The following LRRTM4 variants were observed in gnomAD, a reference collection of about 807,000 sequenced individuals.
LRRTM4 encodes leucine-rich repeat transmembrane neuronal protein 4.
A neutral mutation model predicts 47.6 loss-of-function variants in LRRTM4; 25 were observed. That is an observed-to-expected ratio of 0.53 (90% CI 0.38 to 0.73). LRRTM4 has a LOEUF of 0.73. LRRTM4 is among the 30% of genes least tolerant of loss of function. The pLI, the probability that LRRTM4 is intolerant of heterozygous loss-of-function variation, is 0.00. For synonymous variants in LRRTM4, 311 were observed against 269.5 expected (o/e 1.15, Z -1.51); for missense variants, 638 against 713.4 (o/e 0.89, Z 1.20).
At chr2:76,898,424 A>T (rs1334282448) in intron 3 of LRRTM4, among the ~76,000 whole-genome samples, 1 of 151,972 alleles carries the variant, frequency 6.6e-6, no homozygotes, top group Non-Finnish European at 1.5e-5. Context: ...ATCTCGAAAC[A>T]TTTATAAAAG....
chr2:77,466,472 G>C (rs1176027643), intron 3 of LRRTM4, among the ~76,000 whole-genome samples: 3 of 152,146 alleles, frequency 2.0e-5, no homozygotes, highest in African/African-American at 7.2e-5. Context: ...CAGTTCACTA[G>C]AGTCACTTAA....
intron 3 of LRRTM4, among the ~76,000 whole-genome samples, chr2:77,515,755 G>A (rs77804605): frequency 1.3e-5 from 2 of 151,844 alleles, no homozygotes; most frequent in Admixed American, 6.6e-5. Flanking sequence ...TGGGCAAATC[G>A]CTGCCCTCTC....
chr2:77,356,321 G>A (rs1308412780), intron 3 of LRRTM4, among the ~76,000 whole-genome samples: 3 of 152,232 alleles, frequency 2.0e-5, no homozygotes, highest in East Asian at 3.9e-4. Flanking sequence ...CAGGCTTGAC[G>A]TTGTAAGTAT....
At chr2:76,752,675 G>A (rs1410218824) in intron 3 of LRRTM4, among the ~76,000 whole-genome samples, 1 of 152,152 alleles carries the variant, frequency 6.6e-6, no homozygotes, top group East Asian at 1.9e-4. Flanking sequence ...CTGAATTCGT[G>A]GTTTCTGAGG....
At chr2:77,399,449 C>A (rs1045857185) in intron 3 of LRRTM4, among the ~76,000 whole-genome samples, 3 of 151,642 alleles carry the variant, frequency 2.0e-5, no homozygotes, top group Admixed American at 2.0e-4. Flanking sequence ...AAATAGAGAG[C>A]AGAATGTTGG....
chr2:76,795,119 TACTAACAATA>T (rs1481896534), intron 3 of LRRTM4, among the ~76,000 whole-genome samples: 7 of 152,086 alleles, frequency 4.6e-5, no homozygotes, highest in African/African-American at 1.7e-4. Flanking sequence ...CCGAGAGATT[TACTAACAATA>T]ATATTAAAGT....
chr2:76,807,408 GTATATATATATATATA>G (rs1670526538), intron 3 of LRRTM4, among the ~76,000 whole-genome samples: 4 of 40,304 alleles, frequency 9.9e-5, no homozygotes, highest in Admixed American at 4.1e-4. Flanking sequence ...ATGTATATAC[GTATATATATATATATA>G]CATATATATA....
chr2:76,952,608 G>A (rs188285716), intron 3 of LRRTM4, among the ~76,000 whole-genome samples: 6 of 151,972 alleles, frequency 3.9e-5, no homozygotes, highest in Admixed American at 1.3e-4. Flanking sequence ...AAATTAGTTC[G>A]GCACGGTGGA....
intron 3 of LRRTM4, among the ~76,000 whole-genome samples, chr2:77,103,647 G>GTATATATATATA (rs367583554): frequency 0.016 from 2,003 of 123,688 alleles, 37 homozygotes; most frequent in African/African-American, 0.038. Flanking sequence ...ATACATGAGT[G>GTATATATATATA]TATATATATA....
At chr2:77,326,456 T>G (rs1670779476) in intron 3 of LRRTM4, among the ~76,000 whole-genome samples, 1 of 152,192 alleles carries the variant, frequency 6.6e-6, no homozygotes, top group South Asian at 2.1e-4. Flanking sequence ...AGCAGTAGTA[T>G]GATCATAGCT....
chr2:76,963,053 A>C (rs1675911527), intron 3 of LRRTM4, among the ~76,000 whole-genome samples: 1 of 150,966 alleles, frequency 6.6e-6, no homozygotes, highest in South Asian at 2.1e-4. Flanking sequence ...AATTATGCAT[A>C]ATAAATTTAG....
At chr2:76,850,037 C>A (rs1215888514) in intron 3 of LRRTM4, among the ~76,000 whole-genome samples, 1 of 145,150 alleles carries the variant, frequency 6.9e-6, no homozygotes, top group East Asian at 1.9e-4. Context: ...TCATTTGTTA[C>A]TGATAGATAA....
intron 3 of LRRTM4, among the ~76,000 whole-genome samples, chr2:77,406,125 T>G (rs1674171931): frequency 6.6e-6 from 1 of 152,046 alleles, no homozygotes; most frequent in Admixed American, 6.6e-5. Flanking sequence ...CCTGTCTTCT[T>G]TCAGTGGTGG....
chr2:77,066,851 T>C (rs76146408), intron 3 of LRRTM4, among the ~76,000 whole-genome samples: 5,059 of 152,322 alleles, frequency 0.033, 90 homozygotes, highest in Non-Finnish European at 0.037. Context: ...CTCAAACCAG[T>C]ATGTCTGGTA....
intron 3 of LRRTM4, among the ~76,000 whole-genome samples, chr2:77,296,153 C>G (rs1369726424): frequency 1.3e-5 from 2 of 151,968 alleles, no homozygotes; most frequent in South Asian, 4.1e-4. Context: ...AAATTTCAAC[C>G]TGAAAATACA....
At chr2:76,847,869 T>C (rs572418399) in intron 3 of LRRTM4, among the ~76,000 whole-genome samples, 43 of 152,282 alleles carry the variant, frequency 2.8e-4, no homozygotes, top group African/African-American at 1.0e-3. Flanking sequence ...ATGCTAAATC[T>C]TCTTCCTTGC....
At chr2:77,056,012 G>T (rs1286019925) in intron 3 of LRRTM4, among the ~76,000 whole-genome samples, 1 of 140,856 alleles carries the variant, frequency 7.1e-6, no homozygotes, top group Non-Finnish European at 1.5e-5. Context: ...GACACAGGAA[G>T]GGGAACATCA....
At chr2:77,452,187 A>G (rs1246497385) in intron 3 of LRRTM4, among the ~76,000 whole-genome samples, 2 of 152,210 alleles carry the variant, frequency 1.3e-5, no homozygotes, top group African/African-American at 4.8e-5. Context: ...AATTCTGTGG[A>G]GACCAGCTTA....
intron 3 of LRRTM4, among the ~76,000 whole-genome samples, chr2:77,187,816 GC>G: frequency 6.6e-6 from 1 of 151,812 alleles, no homozygotes; most frequent in Non-Finnish European, 1.5e-5. Flanking sequence ...CAGATTAAAA[GC>G]TTTTAGAGAA....
Sources: gnomAD v4.1 joint callset for allele counts (sites outside exome capture counted in the v4.1 genomes callset) on GRCh38, gnomAD v4.1.1 for gene constraint, MANE v1.5 for transcripts, NCBI Gene and HGNC (gene_info 2026-07-23, HGNC 2026-07-21) for gene names.